Variants in PACS1 observed in about 807,000 individuals in gnomAD.
The protein encoded by PACS1 is PACS-1.
PACS1 carries 24 observed loss-of-function variants against 115.0 expected under a neutral mutation model. The ratio of observed to expected loss-of-function variants is 0.21; its 90% CI spans 0.15 to 0.29. PACS1 has a LOEUF of 0.29. Ranked by LOEUF, PACS1 falls within the 10% of genes least tolerant of loss-of-function variation. The pLI is 1.00. For missense variants in PACS1, 838 were observed against 1,251.2 expected (o/e 0.67, Z 4.98); for synonymous variants, 453 against 504.5 (o/e 0.90, Z 1.37).
intron 1 of PACS1, among the ~76,000 whole-genome samples, chr11:66,182,108 A>T (rs945843260): frequency 6.6e-6 from 1 of 152,220 alleles, no homozygotes; most frequent in Non-Finnish European, 1.5e-5. Flanking sequence ...TTAATAAGCA[A>T]AAGTCCACAC....
intron 1 of PACS1, chr11:66,084,034 C>G (rs1857527439): frequency 2.0e-5 from 3 of 152,392 alleles, no homozygotes; most frequent in African/African-American, 7.2e-5. Flanking sequence ...GAAATTCCAG[C>G]TCTTGCGGAG....
chr11:66,234,998 G>A (rs941235832), intron 17 of PACS1, among the ~76,000 whole-genome samples: 2 of 152,218 alleles, frequency 1.3e-5, no homozygotes, highest in African/African-American at 4.8e-5. Context: ...AAAAGTCTGT[G>A]GGGTGAGGCT....
At chr11:66,227,753 C>T (rs1172593844) in intron 11 of PACS1, among the ~76,000 whole-genome samples, 169 bp downstream of exon 11, 2 of 152,204 alleles carry the variant, frequency 1.3e-5, no homozygotes, top group East Asian at 3.9e-4. Context: ...GGAATGCAAC[C>T]TACTACCTGG....
chr11:66,109,023 C>T (rs1449875385), intron 1 of PACS1, among the ~76,000 whole-genome samples: 1 of 152,200 alleles, frequency 6.6e-6, no homozygotes, highest in Non-Finnish European at 1.5e-5. Flanking sequence ...CAGTCCATAG[C>T]AAGTGATACC....
At chr11:66,145,807 C>T (rs534034068) in intron 1 of PACS1, among the ~76,000 whole-genome samples, 1 of 152,280 alleles carries the variant, frequency 6.6e-6, no homozygotes, top group South Asian at 2.1e-4. Context: ...GCAAACACAA[C>T]CTGTAACCAA....
intron 10 of PACS1, 51 bp from the exon 11 acceptor site, chr11:66,227,453 A>G (rs1316796714): frequency 1.9e-6 from 2 of 1,027,850 alleles, no homozygotes; most frequent in Non-Finnish European, 3.0e-6. Context: ...AAAACAAATT[A>G]AAGTGGTAGT....
intron 2 of PACS1, among the ~76,000 whole-genome samples, chr11:66,209,382 A>C (rs1051083585): frequency 6.6e-6 from 1 of 152,086 alleles, no homozygotes; most frequent in African/African-American, 2.4e-5. Context: ...GGGAGGTTAA[A>C]GAGGAAGTTC....
chr11:66,138,268 A>AT (rs899082606), intron 1 of PACS1, among the ~76,000 whole-genome samples: 11 of 151,716 alleles, frequency 7.3e-5, no homozygotes, highest in South Asian at 4.2e-4. Flanking sequence ...ATTAAAAAAA[A>AT]TTTTTTTACA....
In PACS1 at chr11:66,124,990, C is replaced by T. The variant is rs892973957; in HGVS notation, c.356+54148C>T. The stretch of plus-strand genomic sequence containing the variant: ...GCCACAGGGAGACACCAGAACATCC[C>T]ATTGAGGAGGAGGAACTGTTTCTTT... On this transcript the variant is annotated intron_variant, in intron 1 of 23. Transcript: ENST00000320580. Among the ~76,000 whole-genome samples the T allele has an allele frequency of 2.0e-5, 3 of 152,338 alleles. No homozygotes were observed. In the South Asian group the frequency reaches 6.2e-4, roughly 32 times the overall value.
At chr11:66,132,714 G>C (rs1184310971) in intron 1 of PACS1, among the ~76,000 whole-genome samples, 1 of 152,084 alleles carries the variant, frequency 6.6e-6, no homozygotes, top group Non-Finnish European at 1.5e-5. Context: ...TCTTGCCCAG[G>C]CTAGAGTGCA....
chr11:66,235,970 C>A lies in PACS1; in HGVS notation c.2250+30C>A. The A allele has an allele frequency of 6.3e-7, 1 of 1,598,532 alleles. No homozygotes were observed. Among genetic ancestry groups the A allele is most frequent in the Non-Finnish European group, 8.6e-7 (1 of 1,165,792 alleles). On this transcript the variant is annotated intron_variant, in intron 19 of 23. Coordinates refer to ENST00000320580, the MANE Select transcript of PACS1 (RefSeq NM_018026.4). This position sits in a 1 kb window ranked among gnomAD's most constrained non-coding sequence, Gnocchi z 5.6. ...GTACTGACTCCCTCTGCTTGGCACC[C>A]CACCCGTTCTCCTGGTCTTCCTGTT... is the stretch of plus-strand genomic sequence containing the variant.
chr11:66,211,747 G>A (rs1379928444), intron 4 of PACS1, among the ~76,000 whole-genome samples: 1 of 152,144 alleles, frequency 6.6e-6, no homozygotes, highest in Non-Finnish European at 1.5e-5. Flanking sequence ...ATCAAGATCA[G>A]GACACTAACG....
chr11:66,226,269 G>A (rs1855469042), intron 10 of PACS1, among the ~76,000 whole-genome samples: 1 of 152,220 alleles, frequency 6.6e-6, no homozygotes, highest in African/African-American at 2.4e-5. Flanking sequence ...GTGGCTGTGA[G>A]CCATTACACA....
chr11:66,128,756 C>A (rs531649690), intron 1 of PACS1, among the ~76,000 whole-genome samples: 1 of 151,788 alleles, frequency 6.6e-6, no homozygotes, highest in Non-Finnish European at 1.5e-5. Context: ...TAGTGACATG[C>A]GCCTGTAATC....
In PACS1 at chr11:66,096,865, C is replaced by CT. The variant is rs549622182; in HGVS notation, c.356+26037dup. Among the ~76,000 whole-genome samples, 268 of 140,978 alleles carry CT rather than the reference C, an allele frequency of 1.9e-3. 2 individuals are homozygous for CT. The South Asian group carries it at 0.023, about 12-fold the overall frequency. 92.5% of individuals were successfully genotyped at this position (140,978 alleles called of 152,430 possible). The stretch of plus-strand genomic sequence containing the variant: ...CATTTTCATTTCTCCCTCTCTCTCT[C>CT]TTTTTTTTTTTTTTAATGTAGAGAC... On this transcript the variant is annotated intron_variant, in intron 1 of 23. Transcript: ENST00000320580.
chr11:66,214,380 A>C (rs901002026), intron 4 of PACS1, among the ~76,000 whole-genome samples: 2 of 152,032 alleles, frequency 1.3e-5, no homozygotes, highest in African/African-American at 4.8e-5. Context: ...ATTGCCAGTG[A>C]CAGGCGACCA....
chr11:66,238,994 C>A, intron 20 of PACS1, 148 bp downstream of exon 20: 2 of 1,383,478 alleles, frequency 1.4e-6, no homozygotes, highest in Non-Finnish European at 2.0e-6. Flanking sequence ...CACTCCCCTG[C>A]TGCGGTGGTG....
chr11:66,195,853 A>T (rs1242195127), intron 2 of PACS1, among the ~76,000 whole-genome samples: 1 of 152,210 alleles, frequency 6.6e-6, no homozygotes, highest in Admixed American at 6.6e-5. Context: ...CCCAAAGGAG[A>T]TCTGCAGACC....
intron 10 of PACS1, among the ~76,000 whole-genome samples, chr11:66,222,150 G>A (rs573101990): frequency 1.2e-4 from 18 of 152,176 alleles, no homozygotes; most frequent in Admixed American, 9.8e-4. Flanking sequence ...TGTCTGTTCT[G>A]TGGTAGCTGA....
Sources: gnomAD v4.1 joint callset for allele counts (sites outside exome capture counted in the v4.1 genomes callset) on GRCh38, gnomAD v4.1.1 for gene constraint, Gnocchi (gnomAD v3.1) non-coding constraint, MANE v1.5 for transcripts, NCBI Gene and HGNC (gene_info 2026-07-23, HGNC 2026-07-21) for gene names.